The following C12orf42 variants were observed in gnomAD, a reference collection of about 807,000 sequenced individuals.
The protein encoded by C12orf42 is uncharacterized protein C12orf42.
C12orf42 carries 25 observed loss-of-function variants against 21.6 expected under a neutral mutation model. That is an observed-to-expected ratio of 1.16 (90% CI 0.84 to 1.62). C12orf42 has a LOEUF of 1.62. C12orf42 is among the 40% of genes most tolerant of loss of function. The pLI is 0.00. For missense variants in C12orf42, 483 were observed against 459.3 expected (o/e 1.05, Z -0.47); for synonymous variants, 174 against 175.0 (o/e 0.99, Z 0.05).
the C12orf42 span, among the ~76,000 whole-genome samples, chr12:103,180,820 G>T: frequency 8.6e-5 from 13 of 151,004 alleles, no homozygotes; most frequent in African/African-American, 2.2e-4. Context: ...TAGAGATGGG[G>T]TTTCTCCATG....
At chr12:103,116,381 A>ATATATAT in the C12orf42 span, among the ~76,000 whole-genome samples, 1 of 136,712 alleles carries the variant, frequency 7.3e-6, no homozygotes, top group African/African-American at 2.7e-5. Context: ...AAAAAAAAAA[A>ATATATAT]ATATATATAT....
intron 10 of C12orf42, among the ~76,000 whole-genome samples, chr12:103,241,502 G>A (rs989753724): frequency 1.3e-5 from 2 of 152,132 alleles, no homozygotes; most frequent in Non-Finnish European, 2.9e-5. Context: ...TAAAAGTGGA[G>A]GAGTAGAAAC....
At position 103,495,398 on chromosome 12, in the gene C12orf42, C is replaced by A. The variant is rs1382157449; in HGVS notation, c.-22+504G>T. On this transcript the variant is annotated intron_variant, in intron 1 of 5. Transcript: ENST00000548883. ...GGGCGTGCCCTCCACCGCCCCCAACCGCTCCGCCCGGCCCCTCCCCCGCTC... is the reference window on the plus strand; with the variant it reads ...GGGCGTGCCCTCCACCGCCCCCAACAGCTCCGCCCGGCCCCTCCCCCGCTC... 1.1e-4 allele frequency among the ~76,000 whole-genome samples: 16 copies of A among 152,156 alleles called. No individual in the cohort carries two copies. The East Asian group carries it at 3.1e-3, about 30-fold the overall frequency.
intron 10 of C12orf42, among the ~76,000 whole-genome samples, chr12:103,259,064 A>G (rs971634126): frequency 1.3e-5 from 2 of 152,224 alleles, no homozygotes; most frequent in Admixed American, 1.3e-4. Context: ...TGTTCTTGGT[A>G]CATGGATAGG....
chr12:103,419,933 G>C (rs2049724973), intron 2 of C12orf42, among the ~76,000 whole-genome samples: 1 of 152,106 alleles, frequency 6.6e-6, no homozygotes, highest in Admixed American at 6.5e-5. Context: ...TTCCACAACT[G>C]TGATTAATTG....
the C12orf42 span, among the ~76,000 whole-genome samples, chr12:103,070,979 T>C: frequency 6.6e-6 from 1 of 152,198 alleles, no homozygotes; most frequent in Non-Finnish European, 1.5e-5. Flanking sequence ...AGTCTGTGTC[T>C]GACTGTATTT....
chr12:103,409,782 A>T (rs2048696441), intron 2 of C12orf42, among the ~76,000 whole-genome samples: 1 of 152,186 alleles, frequency 6.6e-6, no homozygotes, highest in Non-Finnish European at 1.5e-5. Context: ...TGACTTTAAA[A>T]TAATGTATTC....
chr12:103,511,866 G>C, the C12orf42 span, among the ~76,000 whole-genome samples: 4 of 152,028 alleles, frequency 2.6e-5, no homozygotes, highest in South Asian at 8.3e-4. Flanking sequence ...TTTTCTTTTT[G>C]GAAGTGTTAG....
intron 3 of C12orf42, among the ~76,000 whole-genome samples, chr12:103,394,984 GC>G (rs1368230814): frequency 6.6e-6 from 1 of 152,204 alleles, no homozygotes. Flanking sequence ...TCCAGTACCT[GC>G]AAAGTACTCA....
the C12orf42 span, among the ~76,000 whole-genome samples, chr12:103,083,185 C>A: frequency 6.6e-6 from 1 of 151,976 alleles, no homozygotes; most frequent in African/African-American, 2.4e-5. Flanking sequence ...ACCAACATGG[C>A]GAAACCCCGT....
At chr12:103,161,348 T>C in the C12orf42 span, 1 of 151,316 alleles carries the variant, frequency 6.6e-6, no homozygotes, top group African/African-American at 2.4e-5. Context: ...CCAAAGTGAC[T>C]AGTGCCTAGC....
At chr12:103,353,852 A>G (rs1265487811) in intron 4 of C12orf42, among the ~76,000 whole-genome samples, 8 of 152,168 alleles carry the variant, frequency 5.3e-5, no homozygotes. Context: ...AACCTGAAAG[A>G]GTCCTGTCGG....
the C12orf42 span, among the ~76,000 whole-genome samples, chr12:103,512,939 C>T: frequency 3.3e-5 from 5 of 151,406 alleles, no homozygotes; most frequent in African/African-American, 9.7e-5. Context: ...GAGGCAGAGG[C>T]TGCAGTGAGC....
chr12:103,129,547 T>G, the C12orf42 span, among the ~76,000 whole-genome samples: 2 of 152,218 alleles, frequency 1.3e-5, 1 homozygote, highest in African/African-American at 4.8e-5. Flanking sequence ...TTAACAACCC[T>G]TCTTACATGT....
the C12orf42 span, among the ~76,000 whole-genome samples, chr12:103,203,140 C>T: frequency 6.6e-6 from 1 of 152,088 alleles, no homozygotes; most frequent in Non-Finnish European, 1.5e-5. Flanking sequence ...TGGAGACCCA[C>T]CTTTCACTTC....
intron 4 of C12orf42, among the ~76,000 whole-genome samples, chr12:103,322,442 C>T (rs1167202067): frequency 6.6e-6 from 1 of 152,044 alleles, no homozygotes; most frequent in Admixed American, 6.6e-5. Flanking sequence ...TTTCATATTT[C>T]ACTGTTTTCA....
chr12:103,414,610 C>T (rs561072246), intron 2 of C12orf42, among the ~76,000 whole-genome samples: 9 of 152,176 alleles, frequency 5.9e-5, no homozygotes, highest in African/African-American at 1.9e-4. Context: ...TCTTTCACTA[C>T]CTTAGTTAGC....
chr12:103,261,900 G>A (rs1281545331), intron 10 of C12orf42, among the ~76,000 whole-genome samples: 1 of 152,162 alleles, frequency 6.6e-6, no homozygotes, highest in Non-Finnish European at 1.5e-5. Context: ...GTTTGAAAAA[G>A]TAAGTTTGCA....
the C12orf42 span, among the ~76,000 whole-genome samples, chr12:103,120,361 G>A: frequency 1.3e-5 from 2 of 152,158 alleles, no homozygotes; most frequent in Non-Finnish European, 2.9e-5. Flanking sequence ...AATCTAAAGA[G>A]CAGATTTGCA....
Sources: allele counts gnomAD v4.1 joint callset (sites outside exome capture counted in the v4.1 genomes callset), GRCh38; gene constraint gnomAD v4.1.1; transcripts MANE v1.5; gene names NCBI Gene and HGNC (gene_info 2026-07-23, HGNC 2026-07-21).